PRKD3: variants seen among roughly 807,000 people sequenced by gnomAD.
PRKD3 encodes the protein serine/threonine-protein kinase D3.
A neutral mutation model predicts 99.2 loss-of-function variants in PRKD3; 47 were observed. The ratio of observed to expected loss-of-function variants is 0.47; its 90% CI spans 0.38 to 0.60. The LOEUF (loss-of-function observed/expected upper bound fraction) is 0.60, where lower values mean the gene tolerates loss of function less well. PRKD3 is among the 20% of genes least tolerant of loss of function. The pLI, the probability that PRKD3 is intolerant of heterozygous loss-of-function variation, is 0.00. For synonymous variants in PRKD3, 392 were observed against 355.4 expected (o/e 1.10, Z -1.16); for missense variants, 1,019 against 1,088.4 (o/e 0.94, Z 0.90).
Position 37,316,379 on chromosome 2 carries a change from G to A in PRKD3, c.146C>T (p.Ser49Leu), listed in dbSNP as rs1671657069. The A allele has an allele frequency of 6.2e-7, 1 of 1,614,116 alleles. No homozygotes were observed. Among genetic ancestry groups the A allele is most frequent in the African/African-American group, 1.3e-5 (1 of 74,938 alleles). Residue 49 changes from serine (S) to leucine (L), a missense_variant, in exon 2 of 19, where the codon TCA becomes TTA. Coordinates refer to ENST00000234179, the MANE Select transcript of PRKD3 (RefSeq NM_005813.6). Reference protein sequence around the residue: ...RLSNGSFSAPSLTNSRGSVHT... With the variant: ...RLSNGSFSAPLLTNSRGSVHT... ...CACTGAGCCTCTGGAGTTGGTGAGTGATGGTGCACTGAAGCTTCCATTAGA... is the reference window on the plus strand; with the variant it reads ...CACTGAGCCTCTGGAGTTGGTGAGTAATGGTGCACTGAAGCTTCCATTAGA...
intron 12 of PRKD3, 145 bp downstream of exon 12, chr2:37,272,235 A>G: frequency 8.1e-7 from 1 of 1,236,080 alleles, no homozygotes; most frequent in Admixed American, 3.5e-5. Flanking sequence ...TCCTCTATAA[A>G]GCAGAACTCC....
At chr2:37,310,348 A>C (rs550797657) in intron 2 of PRKD3, among the ~76,000 whole-genome samples, 7 of 152,346 alleles carry the variant, frequency 4.6e-5, no homozygotes, top group Middle Eastern at 3.4e-3. Context: ...TATTGGGCTA[A>C]GCATTTTAGA....
chr2:37,315,328 G>A (rs560132530), intron 2 of PRKD3, among the ~76,000 whole-genome samples: 2 of 152,276 alleles, frequency 1.3e-5, no homozygotes, highest in South Asian at 4.1e-4. Context: ...GGGAAGGAGG[G>A]TGAATGAGAA....
In PRKD3 at chr2:37,261,547, A is replaced by C. The variant is rs530370749; in HGVS notation, c.1885-1163T>G. On this transcript the variant is annotated intron_variant, in intron 14 of 18. Transcript: ENST00000234179. ...TGTAATCCCAACATTTTGCGAGGCC[A>C]AGGCAGGCGGATCACCTGAGATCGG... Among the ~76,000 whole-genome samples the C allele has an allele frequency of 3.9e-5, 6 of 151,932 alleles. No individual in the cohort carries two copies. In the South Asian group the frequency reaches 1.3e-3, roughly 32 times the overall value.
intron 4 of PRKD3, 139 bp downstream of exon 4, chr2:37,290,719 AGAGATAAAAT>A: frequency 7.7e-6 from 6 of 783,242 alleles, no homozygotes; most frequent in Non-Finnish European, 1.2e-5. Flanking sequence ...AGTAGGTGGC[AGAGATAAAAT>A]GAGAGTCCTG....
chr2:37,273,207 AAG>A (rs1366754243), intron 11 of PRKD3, among the ~76,000 whole-genome samples: 1 of 152,128 alleles, frequency 6.6e-6, no homozygotes, highest in Non-Finnish European at 1.5e-5. Context: ...TTATCTTTTA[AAG>A]AGTGTGTAAG....
At chr2:37,311,406 T>C (rs1329786478) in intron 2 of PRKD3, among the ~76,000 whole-genome samples, 1 of 152,190 alleles carries the variant, frequency 6.6e-6, no homozygotes, top group Non-Finnish European at 1.5e-5. Flanking sequence ...GCAGGGAATT[T>C]GTGTTTCATC....
intron 4 of PRKD3, among the ~76,000 whole-genome samples, chr2:37,290,381 C>T (rs182262082): frequency 1.1e-3 from 162 of 152,174 alleles, no homozygotes; most frequent in African/African-American, 3.6e-3. Flanking sequence ...TACAGGCATC[C>T]GCCACCACGC....
chr2:37,315,126 T>C (rs1671602749), intron 2 of PRKD3, among the ~76,000 whole-genome samples: 1 of 152,178 alleles, frequency 6.6e-6, no homozygotes, highest in Non-Finnish European at 1.5e-5. Flanking sequence ...AAATAGAAAG[T>C]TTACAATTTG....
intron 18 of PRKD3, 137 bp from the exon 19 acceptor site, chr2:37,253,487 T>C (rs1403049787): frequency 1.1e-5 from 7 of 634,694 alleles, no homozygotes; most frequent in Non-Finnish European, 1.5e-5. Flanking sequence ...AAGTATCTAC[T>C]ATGTACTAAG....
intron 2 of PRKD3, among the ~76,000 whole-genome samples, chr2:37,303,365 T>C (rs1239557660): frequency 1.3e-5 from 2 of 151,980 alleles, no homozygotes; most frequent in Non-Finnish European, 2.9e-5. Context: ...ATAGGCCCTT[T>C]CCCCTTGCTG....
intron 3 of PRKD3, among the ~76,000 whole-genome samples, chr2:37,291,728 A>G (rs1174160450): frequency 6.6e-6 from 1 of 152,202 alleles, no homozygotes; most frequent in Admixed American, 6.5e-5. Context: ...CAGAAATATA[A>G]GATGAGAGGA....
rs1433915541 is a variant in PRKD3 at position 37,274,289 on chromosome 2, G to GGTTACTAAA, written c.1651+123_1651+131dup. On this transcript the variant is annotated intron_variant, in intron 11 of 18. Coordinates refer to ENST00000234179, the MANE Select transcript of PRKD3 (RefSeq NM_005813.6). The stretch of plus-strand genomic sequence containing the variant: ...TATAAAAGAGTTAACTAATTGTATT[G>GGTTACTAAA]GTTACTAAAGTATTGGTTACTAAAG... 4.1e-6 allele frequency: 4 copies of GGTTACTAAA among 974,564 alleles called. No homozygotes were observed. In the African/African-American group the frequency reaches 5.0e-5, roughly 12 times the overall value. The allele number at this position is 974,564 out of a possible 1,614,324, so 60.4% of individuals were successfully genotyped here.
chr2:37,262,041 G>A (rs1222161079), intron 14 of PRKD3, among the ~76,000 whole-genome samples: 1 of 152,170 alleles, frequency 6.6e-6, no homozygotes, highest in Non-Finnish European at 1.5e-5. Flanking sequence ...GCTACACGGG[G>A]CTAAGTTGTG....
At chr2:37,305,862 T>C (rs1209475411) in intron 2 of PRKD3, among the ~76,000 whole-genome samples, 1 of 152,178 alleles carries the variant, frequency 6.6e-6, no homozygotes, top group Non-Finnish European at 1.5e-5. Context: ...TGCCAGACAC[T>C]ACCTGGGGCT....
chr2:37,293,008 T>C, intron 3 of PRKD3, 125 bp downstream of exon 3: 1 of 1,068,292 alleles, frequency 9.4e-7, no homozygotes, highest in Non-Finnish European at 1.3e-6. Context: ...TGACCATTAT[T>C]AGAGATGAAA....
intron 14 of PRKD3, 56 bp downstream of exon 14, chr2:37,267,374 A>T: frequency 8.3e-7 from 1 of 1,201,440 alleles, no homozygotes; most frequent in Non-Finnish European, 1.2e-6. Context: ...AGAAGCAGTT[A>T]ATTCAGATTC....
chr2:37,271,068 A>G (rs560656430), intron 12 of PRKD3, among the ~76,000 whole-genome samples: 25 of 152,120 alleles, frequency 1.6e-4, no homozygotes, highest in Admixed American at 3.9e-4. Flanking sequence ...TATCTCCAAT[A>G]ACACTACTAG....
intron 6 of PRKD3, among the ~76,000 whole-genome samples, chr2:37,283,260 C>T (rs1669937214): frequency 6.6e-6 from 1 of 152,156 alleles, no homozygotes; most frequent in Non-Finnish European, 1.5e-5. Context: ...ATTCTTGCGC[C>T]CTATCCCAGA....
Sources: gnomAD v4.1 joint callset for allele counts (sites outside exome capture counted in the v4.1 genomes callset) on GRCh38, gnomAD v4.1.1 for gene constraint, MANE v1.5 for transcripts, NCBI Gene and HGNC (gene_info 2026-07-23, HGNC 2026-07-21) for gene names.